Variants in PALD1 observed in about 807,000 individuals in gnomAD.
PALD1 encodes paladin.
Under a neutral mutation model 96.0 loss-of-function variants are expected in PALD1, and 57 were observed. That is an observed-to-expected ratio of 0.59 (90% CI 0.48 to 0.74). The LOEUF is 0.74. PALD1 is among the 30% of genes least tolerant of loss of function. PALD1 has a pLI of 0.00. For missense variants in PALD1, 1,063 were observed against 1,143.7 expected, an observed-to-expected ratio of 0.93 and a Z score of 1.02; for synonymous variants, 464 against 473.6, an observed-to-expected ratio of 0.98 and a Z score of 0.26.
the PALD1 span, among the ~76,000 whole-genome samples, chr10:70,462,685 C>T: frequency 6.6e-6 from 1 of 152,244 alleles, no homozygotes; most frequent in Non-Finnish European, 1.5e-5. Flanking sequence ...CTGGCAGATG[C>T]CTTGTGCCCC....
At chr10:70,519,016 T>C (rs1846672489) in intron 1 of PALD1, among the ~76,000 whole-genome samples, 1 of 152,234 alleles carries the variant, frequency 6.6e-6, no homozygotes, top group African/African-American at 2.4e-5. Flanking sequence ...CCCAATTCTG[T>C]CCTTGTGGCC....
chr10:70,519,636 G>A (rs1419127975), intron 1 of PALD1, among the ~76,000 whole-genome samples: 3 of 150,234 alleles, frequency 2.0e-5, no homozygotes, highest in Non-Finnish European at 4.4e-5. Context: ...GTGCAGTGGC[G>A]CGATCTCAAC....
At chr10:70,509,752 G>A (rs536371575) in intron 1 of PALD1, among the ~76,000 whole-genome samples, 3 of 152,326 alleles carry the variant, frequency 2.0e-5, no homozygotes, top group Admixed American at 6.5e-5. Flanking sequence ...GAGCAGCTCT[G>A]TGGGGCAGCT....
intron 1 of PALD1, among the ~76,000 whole-genome samples, chr10:70,501,834 T>TGTGTGTGTGTGTGTGTGTGTGTGTGC (rs774868338): frequency 1.9e-4 from 29 of 149,500 alleles, no homozygotes; most frequent in Admixed American, 3.3e-4. Flanking sequence ...TGTGTGTGTG[T>TGTGTGTGTGTGTGTGTGTGTGTGTGC]GCGTGCGTGC....
Position 70,490,828 on chromosome 10 carries a change from G to C in PALD1, c.-30+11769G>C, listed in dbSNP as rs923983072. On this transcript the variant is annotated intron_variant, in intron 1 of 19. Coordinates refer to ENST00000263563, the MANE Select transcript of PALD1 (RefSeq NM_014431.3). The stretch of plus-strand genomic sequence containing the variant: ...GACCTCACATTTAAGCCTAGACTAC[G>C]TGTGAGCAATCCCTGAATGTCTGTT... 3.3e-5 allele frequency among the ~76,000 whole-genome samples: 5 copies of C among 152,170 alleles called. No individual in the cohort carries two copies. The East Asian group carries it at 9.6e-4, about 29-fold the overall frequency.
chr10:70,517,090 C>T (rs899191342), intron 1 of PALD1, among the ~76,000 whole-genome samples: 13 of 152,030 alleles, frequency 8.6e-5, no homozygotes, highest in Non-Finnish European at 1.0e-4. Context: ...GGTCTTTACC[C>T]ACAAGATATT....
chr10:70,530,225 C>G (rs975193130), intron 4 of PALD1, among the ~76,000 whole-genome samples, 157 bp downstream of exon 4: 1 of 152,188 alleles, frequency 6.6e-6, no homozygotes, highest in Admixed American at 6.5e-5. Flanking sequence ...ATGGTCACTG[C>G]TGTTGGTCTG....
intron 10 of PALD1, among the ~76,000 whole-genome samples, chr10:70,536,905 A>AC (rs953926962): frequency 2.0e-5 from 3 of 151,944 alleles, no homozygotes; most frequent in Admixed American, 1.3e-4. Context: ...CTCTCGGACA[A>AC]CCCCCCATGC....
Position 70,543,019 on chromosome 10 carries a change from C to T in PALD1, c.2121+1485C>T, listed in dbSNP as rs555410975. 6.6e-5 allele frequency among the ~76,000 whole-genome samples: 10 copies of T among 151,248 alleles called. No individual in the cohort carries two copies. In the South Asian group the frequency reaches 8.4e-4, roughly 13 times the overall value. On this transcript the variant is annotated intron_variant, in intron 17 of 19. Coordinates refer to ENST00000263563, the MANE Select transcript of PALD1 (RefSeq NM_014431.3). ...AACTCCTGACCTCAGATGATCCACC[C>T]GCCTCGGCCTCCCAAAGTGCTGGGA...
At chr10:70,480,596 C>G (rs1271497071) in intron 1 of PALD1, among the ~76,000 whole-genome samples, 1 of 152,210 alleles carries the variant, frequency 6.6e-6, no homozygotes, top group Non-Finnish European at 1.5e-5. Flanking sequence ...CTGCCCCCTC[C>G]CTCATTGTCC....
the PALD1 span, among the ~76,000 whole-genome samples, chr10:70,463,800 G>A: frequency 2.6e-5 from 4 of 152,052 alleles, no homozygotes; most frequent in Non-Finnish European, 4.4e-5. Flanking sequence ...CCAAGGAGGC[G>A]ACATTTAAGC....
At chr10:70,471,771 C>G in the PALD1 span, among the ~76,000 whole-genome samples, 3 of 152,214 alleles carry the variant, frequency 2.0e-5, no homozygotes, top group Admixed American at 1.3e-4. Flanking sequence ...ATGGATACTG[C>G]CAGAAAAGTG....
intron 18 of PALD1, among the ~76,000 whole-genome samples, chr10:70,555,739 C>A (rs556009335): frequency 1.3e-5 from 2 of 152,250 alleles, no homozygotes; most frequent in Non-Finnish European, 2.9e-5. Flanking sequence ...CAGTGGCTCC[C>A]GCCTGTAATC....
At chr10:70,522,214 C>G (rs7095282) in intron 1 of PALD1, among the ~76,000 whole-genome samples, 14,241 of 152,122 alleles carry the variant, frequency 0.094, 866 homozygotes, top group South Asian at 0.17. Flanking sequence ...TTGAGGTTTC[C>G]CAAGTATTGC....
chr10:70,521,231 A>G (rs1333977702), intron 1 of PALD1, among the ~76,000 whole-genome samples: 1 of 152,126 alleles, frequency 6.6e-6, no homozygotes, highest in Non-Finnish European at 1.5e-5. Flanking sequence ...GTTCAGATCC[A>G]AGAGGGAAGG....
intron 1 of PALD1, among the ~76,000 whole-genome samples, chr10:70,508,847 G>GTGTGTGTGTGTGTGTT (rs1378128749): frequency 4.5e-5 from 6 of 132,266 alleles, no homozygotes; most frequent in Non-Finnish European, 8.4e-5. Flanking sequence ...CGGAACCTGT[G>GTGTGTGTGTGTGTGTT]TGTGTGTGTG....
the PALD1 span, among the ~76,000 whole-genome samples, chr10:70,472,758 G>A: frequency 6.6e-6 from 1 of 152,104 alleles, no homozygotes; most frequent in African/African-American, 2.4e-5. Context: ...GGCAGTAGTG[G>A]TGGGGGATTC....
chr10:70,473,852 T>G (rs7478181), upstream of PALD1, among the ~76,000 whole-genome samples: 9,164 of 150,662 alleles, frequency 0.061, 1,016 homozygotes, highest in East Asian at 0.51. Flanking sequence ...TTCGCCATGT[T>G]GGCCAGGCTG....
rs149378598 is a variant in PALD1 at position 70,505,841 on chromosome 10, C to T, written c.-29-20082C>T. Among the ~76,000 whole-genome samples, 4 of 151,020 alleles carry T rather than the reference C, an allele frequency of 2.6e-5. No homozygotes were observed. The East Asian group carries it at 7.9e-4, about 30-fold the overall frequency. Reference sequence around the variant, plus strand: ...TTGGAGACCATCCTGGACAACATGGCCAAACCCCATATCTACCCAAAATAC... The same window carrying T: ...TTGGAGACCATCCTGGACAACATGGTCAAACCCCATATCTACCCAAAATAC... On this transcript the variant is annotated intron_variant, in intron 1 of 19. Coordinates refer to ENST00000263563, the MANE Select transcript of PALD1 (RefSeq NM_014431.3).
Sources: allele counts gnomAD v4.1 joint callset (sites outside exome capture counted in the v4.1 genomes callset), GRCh38; gene constraint gnomAD v4.1.1; transcripts MANE v1.5; gene names NCBI Gene and HGNC (gene_info 2026-07-23, HGNC 2026-07-21).